The following SUGCT variants were observed in gnomAD, a reference collection of about 807,000 sequenced individuals.
SUGCT encodes the protein succinyl-CoA:glutarate-CoA transferase.
In SUGCT, 41 loss-of-function variants were observed where a neutral mutation model predicts 55.0. The ratio of observed to expected loss-of-function variants is 0.74; its 90% confidence interval spans 0.58 to 0.97. The LOEUF (loss-of-function observed/expected upper bound fraction) is 0.97, where lower values mean the gene tolerates loss of function less well. Among genes scored for constraint, SUGCT ranks in the 50% least tolerant of loss-of-function variants. SUGCT has a pLI of 0.00. For synonymous variants in SUGCT, 187 were observed against 200.4 expected (o/e 0.93, Z 0.56); for missense variants, 568 against 547.8 (o/e 1.04, Z -0.37).
chr7:40,481,915 G>T (rs1357944654), intron 11 of SUGCT, among the ~76,000 whole-genome samples: 1 of 152,030 alleles, frequency 6.6e-6, no homozygotes, highest in Non-Finnish European at 1.5e-5. Flanking sequence ...AGATAATACA[G>T]ATTTTATTCA....
chr7:40,806,452 C>G (rs1791096167), intron 13 of SUGCT, among the ~76,000 whole-genome samples: 1 of 152,108 alleles, frequency 6.6e-6, no homozygotes, highest in Admixed American at 6.6e-5. Flanking sequence ...GTAATCTTCC[C>G]TGTCAACCTG....
chr7:40,787,171 C>T (rs966363291), intron 13 of SUGCT, among the ~76,000 whole-genome samples: 7 of 152,270 alleles, frequency 4.6e-5, no homozygotes, highest in African/African-American at 9.6e-5. Flanking sequence ...GTGTGTAGCA[C>T]ACTAACCCTT....
intron 1 of SUGCT, among the ~76,000 whole-genome samples, chr7:40,168,544 C>T (rs1041550774): frequency 5.3e-5 from 8 of 152,144 alleles, no homozygotes; most frequent in African/African-American, 1.7e-4. Context: ...GCCTGCAGTG[C>T]AAAGTGCAGG....
chr7:40,599,716 T>C (rs889283796), intron 12 of SUGCT, among the ~76,000 whole-genome samples: 6 of 152,210 alleles, frequency 3.9e-5, no homozygotes, highest in African/African-American at 1.4e-4. Context: ...GTAGTATTGC[T>C]TTCTACCCAC....
chr7:40,243,153 T>C (rs541309362), intron 7 of SUGCT, among the ~76,000 whole-genome samples: 2 of 150,888 alleles, frequency 1.3e-5, no homozygotes, highest in East Asian at 3.9e-4. Flanking sequence ...CTTTTTTTAA[T>C]GCATACAGAA....
intron 12 of SUGCT, among the ~76,000 whole-genome samples, chr7:40,601,250 T>C (rs1369641220): frequency 1.3e-5 from 2 of 152,200 alleles, no homozygotes; most frequent in Non-Finnish European, 2.9e-5. Flanking sequence ...GGGTGTACAA[T>C]CTAAAAACTC....
intron 7 of SUGCT, among the ~76,000 whole-genome samples, chr7:40,272,985 A>T (rs1337061576): frequency 2.0e-5 from 3 of 152,122 alleles, no homozygotes; most frequent in Non-Finnish European, 4.4e-5. Context: ...ATTGAAAAAA[A>T]ATTCCACGTA....
chr7:40,220,748 A>G (rs1491002874), intron 6 of SUGCT, among the ~76,000 whole-genome samples: 1 of 152,236 alleles, frequency 6.6e-6, no homozygotes, highest in Non-Finnish European at 1.5e-5. Context: ...TAGGATTGCA[A>G]ATTCTAAATT....
intron 9 of SUGCT, among the ~76,000 whole-genome samples, chr7:40,369,103 T>C (rs1026609995): frequency 2.1e-5 from 3 of 142,566 alleles, no homozygotes; most frequent in Admixed American, 7.1e-5. Flanking sequence ...GACTCTATCT[T>C]AAAAAAAAAA....
chr7:40,817,586 C>T lies in SUGCT; in HGVS notation c.1154-42730C>T, dbSNP rs112943404. On this transcript the variant is annotated intron_variant, in intron 13 of 13. Transcript: ENST00000335693. ...AAATAATGATAATTTTTGTCTTAAC[C>T]ATGTGGAATTTGAGGATCTTGTGGT... Among the ~76,000 whole-genome samples, 330 of 152,154 alleles carry T rather than the reference C, an allele frequency of 2.2e-3. 1 individual carries two copies. Among genetic ancestry groups the T allele is most frequent in the African/African-American group, 7.8e-3 (324 of 41,506 alleles).
chr7:40,903,591 A>C, the SUGCT span, among the ~76,000 whole-genome samples: 3 of 152,094 alleles, frequency 2.0e-5, no homozygotes, highest in Non-Finnish European at 4.4e-5. Context: ...TTCTCCCAGT[A>C]CCTCAGAATG....
At chr7:40,287,762 G>T (rs1316927293) in intron 8 of SUGCT, among the ~76,000 whole-genome samples, 1 of 152,084 alleles carries the variant, frequency 6.6e-6, no homozygotes, top group Non-Finnish European at 1.5e-5. Context: ...GCCTCCCAAA[G>T]TGCTGGGATT....
chr7:41,008,103 C>G, the SUGCT span, among the ~76,000 whole-genome samples: 1 of 152,212 alleles, frequency 6.6e-6, no homozygotes, highest in Non-Finnish European at 1.5e-5. Flanking sequence ...CTCCCCCTCC[C>G]GTAGACCCAG....
chr7:40,631,501 A>G (rs1012699706), intron 12 of SUGCT, among the ~76,000 whole-genome samples: 2 of 152,208 alleles, frequency 1.3e-5, no homozygotes, highest in African/African-American at 4.8e-5. Context: ...CAGTTTCCCT[A>G]CAAATTGGTA....
In SUGCT at chr7:40,704,096, C is replaced by T. The variant is rs541748540; in HGVS notation, c.1090-45338C>T. 2.6e-5 allele frequency among the ~76,000 whole-genome samples: 4 copies of T among 152,376 alleles called. No homozygotes were observed. The East Asian group carries it at 7.7e-4, about 29-fold the overall frequency. ...AGCTCCCTCTAGAGCCCTAGAGATTCTTATTGTGAATCTCTTAGTTTAGAT... is the reference window on the plus strand; with the variant it reads ...AGCTCCCTCTAGAGCCCTAGAGATTTTTATTGTGAATCTCTTAGTTTAGAT... On this transcript the variant is annotated intron_variant, in intron 12 of 13. Transcript: ENST00000335693.
the SUGCT span, among the ~76,000 whole-genome samples, chr7:40,952,253 T>C: frequency 1.2e-4 from 19 of 152,290 alleles, no homozygotes; most frequent in South Asian, 3.9e-3. Context: ...AAAGTCTGTG[T>C]TATCTGAGAC....
chr7:40,316,959 T>TTTTTTTTTG (rs2151111401), intron 9 of SUGCT, 104 bp downstream of exon 9: 4 of 512,240 alleles, frequency 7.8e-6, no homozygotes, highest in East Asian at 3.3e-5. Context: ...TCAGCTGTTT[T>TTTTTTTTTG]TTTTTTTTTT....
At chr7:40,257,000 T>TC (rs1790854585) in intron 7 of SUGCT, among the ~76,000 whole-genome samples, 1 of 152,148 alleles carries the variant, frequency 6.6e-6, no homozygotes, top group Non-Finnish European at 1.5e-5. Flanking sequence ...CACCTTGGCC[T>TC]CCTAAAGTGC....
chr7:40,412,023 T>A (rs2151345844), intron 9 of SUGCT, among the ~76,000 whole-genome samples: 1 of 152,348 alleles, frequency 6.6e-6, no homozygotes, highest in African/African-American at 2.4e-5. Flanking sequence ...CGCCATCCAC[T>A]TTTCCCACCC....
Sources: gnomAD v4.1 joint callset for allele counts (sites outside exome capture counted in the v4.1 genomes callset) on GRCh38, gnomAD v4.1.1 for gene constraint, MANE v1.5 for transcripts, NCBI Gene and HGNC (gene_info 2026-07-23, HGNC 2026-07-21) for gene names.